CDH26: variants seen among roughly 807,000 people sequenced by gnomAD.
CDH26 encodes the protein cadherin-like protein 26.
CDH26 carries 83 observed loss-of-function variants against 90.3 expected under a neutral mutation model. The observed-to-expected ratio is 0.92, with a 90% CI of 0.77 to 1.10. CDH26 has a LOEUF of 1.10. Among genes scored for constraint, CDH26 ranks in the 50% least tolerant of loss-of-function variants. The pLI, the probability that CDH26 is intolerant of heterozygous loss-of-function variation, is 0.00. For synonymous variants in CDH26, 397 were observed against 396.3 expected (o/e 1.00, Z -0.02); for missense variants, 1,013 against 1,037.6 (o/e 0.98, Z 0.33).
At chr20:59,993,157 G>A (rs940769131) in intron 10 of CDH26, among the ~76,000 whole-genome samples, 4 of 152,256 alleles carry the variant, frequency 2.6e-5, no homozygotes, top group African/African-American at 4.8e-5. Context: ...TATGAAACAC[G>A]TGTTCCTAAT....
chr20:60,033,375 C>T, intron 8 of CDH26: 1 of 1,209,810 alleles, frequency 8.3e-7, no homozygotes, highest in South Asian at 1.5e-5. Flanking sequence ...TTCCTTCATG[C>T]ATACATGCAC....
chr20:59,974,345 G>C (rs2061301473), intron 4 of CDH26, among the ~76,000 whole-genome samples: 1 of 152,186 alleles, frequency 6.6e-6, no homozygotes, highest in Non-Finnish European at 1.5e-5. Context: ...CAGAATGGGA[G>C]AACATTTTTG....
chr20:59,983,139 G>T, intron 5 of CDH26, 69 bp downstream of exon 5: 1 of 1,522,918 alleles, frequency 6.6e-7, no homozygotes, highest in South Asian at 1.3e-5. Context: ...TAATATTGAT[G>T]AGGAGCTTGA....
In CDH26 at chr20:60,012,515, A is replaced by G. The variant is rs1429969534; in HGVS notation, c.2296-12A>G. The G allele has an allele frequency of 1.9e-6, 3 of 1,608,368 alleles. No individual in the cohort carries two copies. The highest frequency in any genetic ancestry group is 2.2e-5 in the East Asian group (1 of 44,774). ...ATGGCATTTACCTTCTCTTTCCCCC[A>G]CTTTTCCCCAGAAACTCCATGTTGC... On this transcript the variant is annotated splice_polypyrimidine_tract_variant and intron_variant, in intron 17 of 17. Transcript: ENST00000348616.
intron 16 of CDH26, among the ~76,000 whole-genome samples, chr20:60,004,787 A>G (rs2061724290): frequency 1.3e-5 from 2 of 148,324 alleles, no homozygotes; most frequent in South Asian, 2.1e-4. Flanking sequence ...AAAAAAAAAG[A>G]AAAGAAAAAA....
At position 59,968,913 on chromosome 20, in the gene CDH26, A is replaced by G. The variant is rs1002489042; in HGVS notation, c.70-54A>G. 5.2e-6 allele frequency: 5 copies of G among 960,238 alleles called. No homozygotes were observed. In the African/African-American group the frequency reaches 6.6e-5, roughly 13 times the overall value. 59.5% of individuals were successfully genotyped at this position (960,238 alleles called of 1,614,324 possible). ...ATTTGTGCAACTCCAGGTGGTTTCC[A>G]TGTGATTCTGGTAAGAATATTCTCT... On this transcript the variant is annotated intron_variant, in intron 1 of 17. Coordinates refer to ENST00000348616, the MANE Select transcript of CDH26 (RefSeq NM_177980.4).
intron 4 of CDH26, among the ~76,000 whole-genome samples, chr20:59,977,854 G>A (rs2061345338): frequency 4.6e-5 from 7 of 152,124 alleles, no homozygotes; most frequent in Admixed American, 4.6e-4. Context: ...CGACAAATGT[G>A]TCCACCATGA....
intron 2 of CDH26, among the ~76,000 whole-genome samples, 153 bp downstream of exon 2, chr20:59,969,176 G>A (rs1252134755): frequency 6.6e-6 from 1 of 152,180 alleles, no homozygotes; most frequent in East Asian, 1.9e-4. Context: ...AGAATCTTGA[G>A]GGACTGCCAG....
At chr20:60,006,648 C>G (rs2061755045) in intron 16 of CDH26, 65 bp from the exon 17 acceptor site, 3 of 1,193,820 alleles carry the variant, frequency 2.5e-6, no homozygotes, top group Middle Eastern at 2.0e-4. Context: ...GCCACTGACA[C>G]ACAGGGGTTG....
chr20:60,008,161 T>A (rs2061779722), intron 17 of CDH26, among the ~76,000 whole-genome samples: 1 of 152,184 alleles, frequency 6.6e-6, no homozygotes, highest in Non-Finnish European at 1.5e-5. Context: ...TATGGAATGA[T>A]AAGCACAAAG....
Position 60,013,361 on chromosome 20 carries a change from G to A in CDH26, c.*631G>A, listed in dbSNP as rs926228940. On this transcript the variant is annotated 3_prime_UTR_variant, in exon 18 of 18. Transcript: ENST00000348616. ...AGAGCTGACATAATTTAACTTGTAT[G>A]TATTATGTAAGTAAAAGAGTTAGGA... 6.6e-6 allele frequency: 1 copy of A among 152,204 alleles called. No individual in the cohort carries two copies. The highest frequency in any genetic ancestry group is 2.4e-5 in the African/African-American group (1 of 41,460). The allele number at this position is 152,204 out of a possible 1,614,324, so 9.4% of individuals were successfully genotyped here.
chr20:59,991,797 C>G (rs1208520411), intron 9 of CDH26, among the ~76,000 whole-genome samples: 1 of 152,118 alleles, frequency 6.6e-6, no homozygotes, highest in African/African-American at 2.4e-5. Flanking sequence ...GGGGTGGCAA[C>G]CTGGCAAGGT....
At chr20:59,964,932 C>T (rs2061127425) in intron 1 of CDH26, among the ~76,000 whole-genome samples, 1 of 152,184 alleles carries the variant, frequency 6.6e-6, no homozygotes, top group South Asian at 2.1e-4. Flanking sequence ...TAACCTTGGC[C>T]ACCTGGAAAT....
At chr20:60,006,290 C>T (rs2033896134) in intron 16 of CDH26, among the ~76,000 whole-genome samples, 1 of 152,178 alleles carries the variant, frequency 6.6e-6, no homozygotes, top group African/African-American at 2.4e-5. Flanking sequence ...GACCCAGATC[C>T]ACAGACATGG....
chr20:59,999,119 C>T (rs1379903603), intron 13 of CDH26, among the ~76,000 whole-genome samples: 1 of 152,190 alleles, frequency 6.6e-6, no homozygotes, highest in Non-Finnish European at 1.5e-5. Context: ...GCCTTCCCTG[C>T]ATGTGGGGAA....
Position 59,994,509 on chromosome 20 carries a change from A to G in CDH26, c.1666+20A>G. ...ATTGGGGTGAGTTTTTGTATTGGTT[A>G]CGGGCAAAGAGTGGAAAATGCCAGA... On this transcript the variant is annotated intron_variant, in intron 11 of 17. Coordinates refer to ENST00000348616, the MANE Select transcript of CDH26 (RefSeq NM_177980.4). 6.2e-7 allele frequency: 1 copy of G among 1,611,738 alleles called. No individual in the cohort carries two copies. Among genetic ancestry groups the G allele is most frequent in the Non-Finnish European group, 8.5e-7 (1 of 1,178,626 alleles).
chr20:59,967,867 T>TCC (rs2061179097), intron 1 of CDH26, among the ~76,000 whole-genome samples: 1 of 114,770 alleles, frequency 8.7e-6, no homozygotes, highest in Non-Finnish European at 1.6e-5. Flanking sequence ...CTTTCTTTCT[T>TCC]TCTTTCTTTC....
chr20:60,008,702 A>G (rs947904289), intron 17 of CDH26, among the ~76,000 whole-genome samples: 14 of 152,168 alleles, frequency 9.2e-5, no homozygotes, highest in African/African-American at 1.4e-4. Flanking sequence ...GGTTTCCCCA[A>G]TGTTGCTTCC....
intron 7 of CDH26, among the ~76,000 whole-genome samples, chr20:60,022,496 A>G (rs1046228457): frequency 1.3e-5 from 2 of 152,262 alleles, no homozygotes; most frequent in African/African-American, 2.4e-5. Flanking sequence ...TAAACACAGC[A>G]GATACCTCAG....
Sources: allele counts gnomAD v4.1 joint callset (sites outside exome capture counted in the v4.1 genomes callset), GRCh38; gene constraint gnomAD v4.1.1; transcripts MANE v1.5; gene names NCBI Gene and HGNC (gene_info 2026-07-23, HGNC 2026-07-21).